The following ATP5MC2 variants were observed in gnomAD, a reference collection of about 807,000 sequenced individuals.
ATP5MC2 encodes ATP synthase F(0) complex subunit C2, mitochondrial.
In ATP5MC2, 11 loss-of-function variants were observed where a neutral mutation model predicts 13.5. That is an observed-to-expected ratio of 0.81 (90% CI 0.51 to 1.35). ATP5MC2 has a LOEUF of 1.35. Ranked by LOEUF, ATP5MC2 falls within the 40% of genes most tolerant of loss-of-function variation. The pLI is 0.00. For missense variants in ATP5MC2, 132 were observed against 175.0 expected (o/e 0.75, Z 1.39); for synonymous variants, 64 against 69.7 (o/e 0.92, Z 0.41).
At position 53,669,352 on chromosome 12, in the gene ATP5MC2, G is replaced by T. The variant is rs1040785912; in HGVS notation, c.118-11C>A. 5.0e-6 allele frequency: 8 copies of T among 1,606,954 alleles called. No individual in the cohort carries two copies. Among genetic ancestry groups the T allele is most frequent in the Non-Finnish European group, 6.8e-6 (8 of 1,176,016 alleles). The stretch of plus-strand genomic sequence containing the variant: ...CAAGCTGCTGAGGCTCTGTGAAAAA[G>T]AGGCAGGTAGAAGGTAAAGTTTTTT... On this transcript the variant is annotated splice_polypyrimidine_tract_variant and intron_variant, in intron 3 of 4. Coordinates refer to ENST00000394349, the MANE Select transcript of ATP5MC2 (RefSeq NM_005176.7).
intron 1 of ATP5MC2, among the ~76,000 whole-genome samples, chr12:53,675,100 T>C (rs749630560): frequency 2.0e-5 from 3 of 152,214 alleles, no homozygotes; most frequent in South Asian, 2.1e-4. Context: ...AACTCTGCAA[T>C]TGTTAGCCTA....
Position 53,669,258 on chromosome 12 carries a change from G to A in ATP5MC2, c.201C>T (p.Asp67=). 6.2e-7 allele frequency: 1 copy of A among 1,614,106 alleles called. No individual in the cohort carries two copies. The highest frequency in any genetic ancestry group is 8.5e-7 in the Non-Finnish European group (1 of 1,179,996). ...RSFQTSAISR[D]IDTAAKFIGA... ...CAATGAACTTGGCTGCTGTGTCGAT[G>A]TCCCTTGAAATGGCGCTGGTTTGGA... Residue 67 remains aspartate, a synonymous_variant, in exon 4 of 5, where the codon GAC becomes GAT. Transcript: ENST00000394349.
upstream of ATP5MC2, among the ~76,000 whole-genome samples, chr12:53,680,960 G>A (rs1469981280): frequency 6.6e-6 from 1 of 152,088 alleles, no homozygotes; most frequent in Non-Finnish European, 1.5e-5. Context: ...ATGCTGGAGT[G>A]CAGTGGCATG....
chr12:53,675,872 C>CG (rs1292037645), intron 1 of ATP5MC2, among the ~76,000 whole-genome samples, 181 bp downstream of exon 1: 5 of 152,198 alleles, frequency 3.3e-5, no homozygotes, highest in African/African-American at 1.2e-4. Flanking sequence ...CAGGCCCGCG[C>CG]GGTTGGAGGT....
At chr12:53,681,044 C>T (rs10876483), upstream of ATP5MC2, among the ~76,000 whole-genome samples, 84,408 of 150,028 alleles carry the variant, frequency 0.56, 24,481 homozygotes, top group East Asian at 0.91. Context: ...GTAGCTGGGA[C>T]TACAGGTGTG....
upstream of ATP5MC2, chr12:53,677,095 AAAAG>A (rs893014295): frequency 2.6e-4 from 39 of 152,376 alleles, no homozygotes; most frequent in African/African-American, 8.9e-4. Flanking sequence ...ATAAAAAATA[AAAAG>A]AAAGCCGCGG....
chr12:53,669,734 C>T lies in ATP5MC2; in HGVS notation c.117+137G>A. 4.3e-6 allele frequency: 4 copies of T among 931,638 alleles called. No homozygotes were observed. The South Asian group carries it at 6.2e-5, about 14-fold the overall frequency. 57.7% of individuals were successfully genotyped at this position (931,638 alleles called of 1,614,324 possible). ...TGTATTAAGTGTCCTCCATCTCCAC[C>T]TAAAGCCCATGGCCTTGGCCATTCA... On this transcript the variant is annotated intron_variant, in intron 3 of 4. Transcript: ENST00000394349.
chr12:53,676,016 C>A, intron 1 of ATP5MC2, 37 bp downstream of exon 1: 2 of 1,601,430 alleles, frequency 1.2e-6, no homozygotes, highest in Non-Finnish European at 1.7e-6. Context: ...CGCGCGCGTG[C>A]GCAGCGCACA....
chr12:53,673,920 CAGA>C, intron 1 of ATP5MC2: 1 of 154,298 alleles, frequency 6.5e-6, no homozygotes, highest in South Asian at 2.0e-4. Context: ...TTACCTCAAA[CAGA>C]AGGTGAGTTA....
intron 1 of ATP5MC2, among the ~76,000 whole-genome samples, chr12:53,675,227 T>C (rs1024472273): frequency 7.2e-5 from 11 of 152,174 alleles, no homozygotes; most frequent in African/African-American, 2.7e-4. Flanking sequence ...TAAACCTTCT[T>C]TTCCTTGTAA....
At chr12:53,670,883 A>T (rs185990564) in intron 2 of ATP5MC2, among the ~76,000 whole-genome samples, 1 of 152,074 alleles carries the variant, frequency 6.6e-6, no homozygotes, top group African/African-American at 2.4e-5. Context: ...TCGGCTTCCC[A>T]AGGTGCTGGG....
intron 2 of ATP5MC2, among the ~76,000 whole-genome samples, chr12:53,670,885 G>T (rs1387240981): frequency 1.3e-5 from 2 of 151,852 alleles, no homozygotes; most frequent in African/African-American, 4.8e-5. Context: ...GGCTTCCCAA[G>T]GTGCTGGGAT....
intron 3 of ATP5MC2, among the ~76,000 whole-genome samples, chr12:53,669,664 G>A (rs926463627): frequency 1.3e-5 from 2 of 152,144 alleles, no homozygotes; most frequent in Non-Finnish European, 2.9e-5. Context: ...AGTGCACAGG[G>A]GCATGTGCTG....
At chr12:53,675,910 AG>A in intron 1 of ATP5MC2, 142 bp downstream of exon 1, 1 of 1,289,252 alleles carries the variant, frequency 7.8e-7, no homozygotes, top group Non-Finnish European at 1.0e-6. Flanking sequence ...GCCAACTCTA[AG>A]GCTAAGGGAT....
Position 53,675,611 on chromosome 12 carries a change from T to C in ATP5MC2, c.-32+442A>G, listed in dbSNP as rs1393083180. The stretch of plus-strand genomic sequence containing the variant: ...GACTTTAGACGATCCACTATCTCCA[T>C]TGCTCGGAGCACCTGAGGTTCTGGG... On this transcript the variant is annotated intron_variant, in intron 1 of 4. Coordinates refer to ENST00000394349, the MANE Select transcript of ATP5MC2 (RefSeq NM_005176.7). 2.0e-5 allele frequency among the ~76,000 whole-genome samples: 3 copies of C among 152,190 alleles called. No individual in the cohort carries two copies. The East Asian group carries it at 5.8e-4, about 29-fold the overall frequency.
chr12:53,680,145 C>T (rs944934362), upstream of ATP5MC2, among the ~76,000 whole-genome samples: 1 of 152,024 alleles, frequency 6.6e-6, no homozygotes, highest in African/African-American at 2.4e-5. Flanking sequence ...GCCACCATGC[C>T]CGGCTAATTT....
intron 1 of ATP5MC2, among the ~76,000 whole-genome samples, chr12:53,675,436 T>A (rs1408960651): frequency 6.6e-6 from 1 of 152,154 alleles, no homozygotes; most frequent in Non-Finnish European, 1.5e-5. Flanking sequence ...GGTAAATAAC[T>A]AGTGATTCCA....
chr12:53,676,025 C>T, intron 1 of ATP5MC2, 28 bp downstream of exon 1: 1 of 1,608,362 alleles, frequency 6.2e-7, no homozygotes, highest in Non-Finnish European at 8.5e-7. Context: ...GCGCAGCGCA[C>T]AGAGGGCTCT....
At chr12:53,676,366 G>T (rs1945278917), upstream of ATP5MC2, 1 of 904,834 alleles carries the variant, frequency 1.1e-6, no homozygotes, top group Non-Finnish European at 1.6e-6. Flanking sequence ...TCTCGGACTT[G>T]CGTCCCCTTT....
Sources: allele counts gnomAD v4.1 joint callset (sites outside exome capture counted in the v4.1 genomes callset), GRCh38; gene constraint gnomAD v4.1.1; transcripts MANE v1.5; gene names NCBI Gene and HGNC (gene_info 2026-07-23, HGNC 2026-07-21).